IFT70A: variants seen among roughly 807,000 people sequenced by gnomAD.
The protein encoded by IFT70A is intraflagellar transport protein 70A.
chr2:177,617,238 C>T, the IFT70A span: 3 of 1,590,848 alleles, frequency 1.9e-6, no homozygotes, highest in Non-Finnish European at 2.6e-6. Context: ...TATCATAATG[C>T]TTCTTGACTA....
the IFT70A span, chr2:177,616,654 AGTGTG>A: frequency 7.0e-7 from 1 of 1,423,164 alleles, no homozygotes; most frequent in Admixed American, 2.6e-5. Flanking sequence ...GATAAAAAAA[AGTGTG>A]GTACGTAAGA....
the IFT70A span, chr2:177,614,844 CA>C: frequency 2.0e-5 from 3 of 152,158 alleles, no homozygotes; most frequent in Admixed American, 6.5e-5. Flanking sequence ...CCTTTGAAGA[CA>C]GGGGGAGAAA....
At chr2:177,613,602 G>C in the IFT70A span, 1 of 152,194 alleles carries the variant, frequency 6.6e-6, no homozygotes, top group Admixed American at 6.5e-5. Flanking sequence ...TTGAGAGTTT[G>C]TGGGTACTCT....
chr2:177,618,669 G>A, the IFT70A span: 1 of 1,598,526 alleles, frequency 6.3e-7, no homozygotes, highest in African/African-American at 1.3e-5. Context: ...TAAACTCCCC[G>A]TCGGGGATCT....
At chr2:177,613,556 AAACT>A in the IFT70A span, 2 of 152,210 alleles carry the variant, frequency 1.3e-5, no homozygotes, top group African/African-American at 2.4e-5. Flanking sequence ...CTGATTAGAA[AAACT>A]AACCAGTAAT....
chr2:177,618,576 G>A, the IFT70A span: 150 of 1,600,684 alleles, frequency 9.4e-5, no homozygotes, highest in African/African-American at 1.4e-3. Flanking sequence ...CACGGCTCCT[G>A]GGGCTCCGCT....
the IFT70A span, chr2:177,618,230 C>G: frequency 6.2e-7 from 1 of 1,614,248 alleles, no homozygotes; most frequent in African/African-American, 1.3e-5. Flanking sequence ...CCCAGGTTGA[C>G]CTGGCCATCG....
chr2:177,614,668 G>T, the IFT70A span: 1 of 152,104 alleles, frequency 6.6e-6, no homozygotes, highest in Non-Finnish European at 1.5e-5. Flanking sequence ...CCTGGTTGAG[G>T]TTCAACTTCC....
chr2:177,618,037 T>C, the IFT70A span: 2 of 1,614,228 alleles, frequency 1.2e-6, no homozygotes, highest in Non-Finnish European at 1.7e-6. Flanking sequence ...TAGCTCAGGA[T>C]GCTGGCGGAT....
At chr2:177,616,179 C>A in the IFT70A span, 2 of 152,192 alleles carry the variant, frequency 1.3e-5, no homozygotes, top group Admixed American at 1.3e-4. Flanking sequence ...TCGTTGCAAT[C>A]CAGAAAGTTA....
the IFT70A span, chr2:177,618,673 G>A: frequency 6.9e-6 from 11 of 1,596,228 alleles, no homozygotes; most frequent in African/African-American, 1.3e-5. Context: ...CTCCCCGTCG[G>A]GGATCTGCGC....
the IFT70A span, chr2:177,617,956 G>A: frequency 1.9e-6 from 3 of 1,614,170 alleles, no homozygotes; most frequent in South Asian, 2.2e-5. Context: ...TTCCACCAGA[G>A]CAGTCTGATG....
chr2:177,615,256 AG>A, the IFT70A span: 1 of 152,226 alleles, frequency 6.6e-6, no homozygotes, highest in Non-Finnish European at 1.5e-5. Context: ...AGAATAATTG[AG>A]GAAAAAATAC....
chr2:177,613,203 A>G, the IFT70A span: 1 of 152,260 alleles, frequency 6.6e-6, no homozygotes, highest in Admixed American at 6.5e-5. Flanking sequence ...GAATCAGTAC[A>G]AGAACAAAAG....
At chr2:177,614,114 A>C in the IFT70A span, 1 of 152,166 alleles carries the variant, frequency 6.6e-6, no homozygotes, top group African/African-American at 2.4e-5. Context: ...AGCTGATTTA[A>C]TTAAACAACC....
At chr2:177,617,713 T>G in the IFT70A span, 1 of 1,614,080 alleles carries the variant, frequency 6.2e-7, no homozygotes, top group Non-Finnish European at 8.5e-7. Context: ...ATATTTACAG[T>G]AGAGCAGCAA....
chr2:177,618,642 C>G, the IFT70A span: 46 of 1,608,558 alleles, frequency 2.9e-5, no homozygotes, highest in African/African-American at 4.5e-4. Context: ...CGCGGATGAG[C>G]CGGTACACTA....
chr2:177,615,284 T>C, the IFT70A span: 1 of 152,216 alleles, frequency 6.6e-6, no homozygotes, highest in Non-Finnish European at 1.5e-5. Context: ...TAACAGCTTG[T>C]CAAACTACTG....
At chr2:177,616,663 C>CGT in the IFT70A span, 1 of 1,458,952 alleles carries the variant, frequency 6.9e-7, no homozygotes, top group Non-Finnish European at 9.1e-7. Context: ...AAGTGTGGTA[C>CGT]GTAAGAAAGC....
Sources: gnomAD v4.1 joint callset for allele counts on GRCh38, gnomAD v4.1.1 for gene constraint, MANE v1.5 for transcripts, NCBI Gene and HGNC (gene_info 2026-07-23, HGNC 2026-07-21) for gene names.